Variants in HMGCL observed in about 807,000 individuals in gnomAD.
The protein encoded by HMGCL is 3-hydroxy-3-methylglutaryl-CoA lyase, also known as hydroxymethylglutaryl-CoA lyase, mitochondrial.
In HMGCL, 26 loss-of-function variants were observed where a neutral mutation model predicts 37.3. That is an observed-to-expected ratio of 0.70 (90% CI 0.51 to 0.97). The LOEUF is 0.97. Among genes scored for constraint, HMGCL ranks in the 50% least tolerant of loss-of-function variants. The pLI is 0.00. For synonymous variants in HMGCL, 151 were observed against 148.0 expected, an observed-to-expected ratio of 1.02 and a Z score of -0.15; for missense variants, 379 against 398.1, an observed-to-expected ratio of 0.95 and a Z score of 0.41.
At position 23,818,841 on chromosome 1, in the gene HMGCL, CA is replaced by C. The variant is rs200298438; in HGVS notation, c.145-1259del. ...TATTACAGGCATGAGCCATCATGCC[CA>C]GCCTGTCAAATAATTTTTGAAAGCC... On this transcript the variant is annotated intron_variant, in intron 2 of 8. Transcript: ENST00000374490. 6.8e-3 allele frequency among the ~76,000 whole-genome samples: 1,033 copies of C among 151,808 alleles called. 18 individuals carry two copies. The highest frequency in any genetic ancestry group is 0.023 in the African/African-American group (969 of 41,380).
At chr1:23,805,147 C>A (rs1025108659) in intron 7 of HMGCL, among the ~76,000 whole-genome samples, 1 of 152,152 alleles carries the variant, frequency 6.6e-6, no homozygotes, top group African/African-American at 2.4e-5. Flanking sequence ...GGCCTACAGA[C>A]CCACTGTCCC....
intron 2 of HMGCL, among the ~76,000 whole-genome samples, chr1:23,818,342 C>T (rs557361974): frequency 6.6e-6 from 1 of 152,228 alleles, no homozygotes; most frequent in Admixed American, 6.5e-5. Flanking sequence ...GTCTGTGATC[C>T]AGCTACTCAG....
At chr1:23,805,371 T>C (rs558716218) in intron 7 of HMGCL, among the ~76,000 whole-genome samples, 2 of 152,314 alleles carry the variant, frequency 1.3e-5, no homozygotes, top group South Asian at 4.1e-4. Context: ...CTCCAATTTC[T>C]TTCCCCCCAT....
Position 23,802,376 on chromosome 1 carries a change from A to G in HMGCL, c.*87T>C. ...ATGAGGTACCTGCACCATTTAACCT[A>G]TTCTCATTTCCATGTCCCCATCCAT... On this transcript the variant is annotated 3_prime_UTR_variant, in exon 9 of 9. Transcript: ENST00000374490. The G allele has an allele frequency of 1.1e-6, 1 of 875,864 alleles. No individual in the cohort carries two copies. Among genetic ancestry groups the G allele is most frequent in the Non-Finnish European group, 2.0e-6 (1 of 508,472 alleles). The allele number at this position is 875,864 out of a possible 1,614,324, so 54.3% of individuals were successfully genotyped here. A position where few individuals can be genotyped will look rare whatever the true frequency, so the allele number is the denominator to read the frequency against.
chr1:23,816,241 C>T, intron 4 of HMGCL: 2 of 279,350 alleles, frequency 7.2e-6, no homozygotes, highest in South Asian at 3.7e-5. Flanking sequence ...AGGTTTTTGC[C>T]TAAATACAGA....
Position 23,804,677 on chromosome 1 carries a change from A to G in HMGCL, c.751-152T>C, listed in dbSNP as rs942088174. Reference sequence around the variant, plus strand: ...TTCTGTTGACATGACAATCCCACAGAAAGAGACAGTGCTTCTCCTTTTAGT... The same window carrying G: ...TTCTGTTGACATGACAATCCCACAGGAAGAGACAGTGCTTCTCCTTTTAGT... On this transcript the variant is annotated intron_variant, in intron 7 of 8. Coordinates refer to ENST00000374490, the MANE Select transcript of HMGCL (RefSeq NM_000191.3). The G allele has an allele frequency of 4.8e-6, 4 of 839,364 alleles. No individual in the cohort carries two copies. In the South Asian group the frequency reaches 5.8e-5, roughly 12 times the overall value. 52.0% of individuals were successfully genotyped at this position (839,364 alleles called of 1,614,324 possible).
In HMGCL at chr1:23,804,424, C is replaced by T; in HGVS notation, c.852G>A (p.Met284Ile). The T allele has an allele frequency of 6.2e-7, 1 of 1,614,230 alleles. No homozygotes were observed. Among genetic ancestry groups the T allele is most frequent in the Non-Finnish European group, 8.5e-7 (1 of 1,180,036 alleles). Residue 284 changes from methionine (M) to isoleucine (I), a missense_variant, in exon 8 of 9, where the codon ATG (methionine) becomes ATA (isoleucine). By Grantham distance (10) the Met-to-Ile change is conservative (BLOSUM62 1). Coordinates refer to ENST00000374490, the MANE Select transcript of HMGCL (RefSeq NM_000191.3). The stretch of plus-strand genomic sequence containing the variant: ...CCGTGTGAATGCCCAAGCCCTCTAG[C>T]ATGTAGACCAGGTCTTCTGTGGCCA... ...GNLATEDLVY[M>I]LEGLGIHTGV...
intron 2 of HMGCL, 54 bp downstream of exon 2, chr1:23,820,456 T>C (rs1340345074): frequency 8.3e-7 from 1 of 1,199,812 alleles, no homozygotes; most frequent in Non-Finnish European, 1.2e-6. Flanking sequence ...TCACACGTAA[T>C]ACTCAAAGCA....
At chr1:23,811,194 C>T (rs1638514098) in intron 5 of HMGCL, among the ~76,000 whole-genome samples, 1 of 152,168 alleles carries the variant, frequency 6.6e-6, no homozygotes, top group African/African-American at 2.4e-5. Context: ...TAAAACCAAA[C>T]TCAGAACAAG....
intron 1 of HMGCL, among the ~76,000 whole-genome samples, chr1:23,823,883 A>G (rs1349321632): frequency 1.3e-5 from 2 of 151,922 alleles, no homozygotes; most frequent in African/African-American, 4.8e-5. Flanking sequence ...AAAAAAAGAA[A>G]GAAAAGAAAA....
chr1:23,819,906 A>G (rs1376902253), intron 2 of HMGCL, among the ~76,000 whole-genome samples: 1 of 152,084 alleles, frequency 6.6e-6, no homozygotes, highest in Non-Finnish European at 1.5e-5. Flanking sequence ...CACTTTATAT[A>G]TACCTATGTT....
In HMGCL at chr1:23,810,792, A is replaced by T; in HGVS notation, c.505T>A (p.Ser169Thr). 1 of 1,613,638 alleles carries T rather than the reference A, an allele frequency of 6.2e-7. No homozygotes were observed. The change falls in exon 6 of 9, where the codon TCC (serine) becomes ACC (threonine). Residue 169 changes from serine to threonine, a missense_variant. Ser to Thr is a moderately conservative substitution (Grantham distance 58). Transcript: ENST00000374490. The part of the protein sequence containing the change: ...SANISVRGYV[S>T]CALGCPYEGK... ...TCATAAGGGCAGCCAAGAGCACAGGAGACGTACCTGTGGGAAGACAGGGGA... is the reference window on the plus strand; with the variant it reads ...TCATAAGGGCAGCCAAGAGCACAGGTGACGTACCTGTGGGAAGACAGGGGA...
At chr1:23,825,278 G>C in intron 1 of HMGCL, 78 bp downstream of exon 1, 2 of 1,238,478 alleles carry the variant, frequency 1.6e-6, no homozygotes, top group Non-Finnish European at 2.3e-6. Flanking sequence ...TAAGAGAGCA[G>C]TCACCACGGG....
chr1:23,807,901 C>A (rs1156688807), intron 7 of HMGCL, among the ~76,000 whole-genome samples: 1 of 152,188 alleles, frequency 6.6e-6, no homozygotes, highest in African/African-American at 2.4e-5. Flanking sequence ...CATGCTTCCT[C>A]CCTTCATGGC....
chr1:23,804,876 A>ACCCCCCCCCCCCCCCCCCCCCCCCCCCTC (rs138996016), intron 7 of HMGCL, among the ~76,000 whole-genome samples: 1 of 61,286 alleles, frequency 1.6e-5, no homozygotes, highest in African/African-American at 7.0e-5. Flanking sequence ...TTCATTTATT[A>ACCCCCCCCCCCCCCCCCCCCCCCCCCCTC]CCCCCCCCCC....
intron 5 of HMGCL, among the ~76,000 whole-genome samples, chr1:23,813,650 G>T (rs999103304): frequency 6.6e-6 from 1 of 152,118 alleles, no homozygotes; most frequent in Non-Finnish European, 1.5e-5. Context: ...TTTATAAAGT[G>T]AGGATAACCT....
chr1:23,816,462 A>G (rs1487286209), intron 4 of HMGCL: 1 of 624,956 alleles, frequency 1.6e-6, no homozygotes, highest in Non-Finnish European at 2.9e-6. Context: ...TCACAACTTC[A>G]GGTACTATCA....
intron 7 of HMGCL, among the ~76,000 whole-genome samples, chr1:23,804,900 C>T (rs906440851): frequency 3.6e-5 from 5 of 140,510 alleles, no homozygotes; most frequent in African/African-American, 1.1e-4. Flanking sequence ...TACCCCCCAC[C>T]ACCTCCAGGC....
At chr1:23,808,040 ACTGGCATC>A in intron 7 of HMGCL, 87 bp downstream of exon 7, 1 of 1,177,952 alleles carries the variant, frequency 8.5e-7, no homozygotes, top group Non-Finnish European at 1.3e-6. Flanking sequence ...AACCTGGCAT[ACTGGCATC>A]AGTAAATGTT....
Sources: gnomAD v4.1 joint callset for allele counts (sites outside exome capture counted in the v4.1 genomes callset) on GRCh38, gnomAD v4.1.1 for gene constraint, MANE v1.5 for transcripts, NCBI Gene and HGNC (gene_info 2026-07-23, HGNC 2026-07-21) for gene names.